The following RASEF variants were observed in gnomAD, a reference collection of about 807,000 sequenced individuals.
The protein encoded by RASEF is ras and EF-hand domain-containing protein.
Under a neutral mutation model 90.1 loss-of-function variants are expected in RASEF, and 68 were observed. The ratio of observed to expected loss-of-function variants is 0.75; its 90% CI spans 0.62 to 0.92. RASEF has a LOEUF of 0.92. Ranked by LOEUF, RASEF falls within the 40% of genes least tolerant of loss-of-function variation. RASEF has a pLI of 0.00. For synonymous variants in RASEF, 331 were observed against 345.2 expected, an observed-to-expected ratio of 0.96 and a Z score of 0.46; for missense variants, 949 against 937.2, an observed-to-expected ratio of 1.01 and a Z score of -0.16.
At chr9:83,005,308 T>C in intron 8 of RASEF, 108 bp downstream of exon 8, 1 of 752,618 alleles carries the variant, frequency 1.3e-6, no homozygotes, top group East Asian at 2.6e-5. Context: ...CTCATTATTA[T>C]AAGGACTTAC....
chr9:83,061,531 G>T (rs1420300682), intron 1 of RASEF, among the ~76,000 whole-genome samples: 1 of 152,108 alleles, frequency 6.6e-6, no homozygotes, highest in African/African-American at 2.4e-5. Flanking sequence ...GTATCGCTGG[G>T]GCATGAAGTG....
At chr9:83,085,675 C>T in the RASEF span, among the ~76,000 whole-genome samples, 1 of 152,040 alleles carries the variant, frequency 6.6e-6, no homozygotes, top group Non-Finnish European at 1.5e-5. Flanking sequence ...CCTATAATCC[C>T]AGCACTTTGG....
intron 1 of RASEF, among the ~76,000 whole-genome samples, chr9:83,053,813 T>C (rs920287874): frequency 2.4e-5 from 3 of 125,468 alleles, no homozygotes; most frequent in Non-Finnish European, 4.8e-5. Flanking sequence ...AAGCTTAGTT[T>C]GGCTGGATAT....
intron 4 of RASEF, among the ~76,000 whole-genome samples, chr9:83,013,734 A>G (rs1829292095): frequency 6.6e-6 from 1 of 152,202 alleles, no homozygotes; most frequent in Admixed American, 6.5e-5. Context: ...CTCAGTCCTC[A>G]TCTCTAAAAG....
chr9:83,109,903 C>G, the RASEF span, among the ~76,000 whole-genome samples: 1 of 152,142 alleles, frequency 6.6e-6, no homozygotes, highest in Non-Finnish European at 1.5e-5. Context: ...CTCTCTAACT[C>G]CAATGAATCA....
At chr9:83,215,295 A>G in the RASEF span, among the ~76,000 whole-genome samples, 1 of 152,158 alleles carries the variant, frequency 6.6e-6, no homozygotes, top group African/African-American at 2.4e-5. Context: ...GCAAGAGCTC[A>G]GGGTATTAAA....
At chr9:83,157,135 A>ATGTCTTG in the RASEF span, among the ~76,000 whole-genome samples, 1 of 152,242 alleles carries the variant, frequency 6.6e-6, no homozygotes, top group African/African-American at 2.4e-5. Context: ...TAATGCCAAA[A>ATGTCTTG]TGGCCCGCAA....
rs1254705047 is a variant in RASEF at position 83,062,739 on chromosome 9, CCGCACCCGCAGCTCCGTG to C, written c.111_128del (p.Cys37_Arg43delinsTrp). The C allele has an allele frequency of 6.4e-7, 1 of 1,568,952 alleles. No homozygotes were observed. Among genetic ancestry groups the C allele is most frequent in the Non-Finnish European group, 8.6e-7 (1 of 1,166,078 alleles). On this transcript the variant is annotated inframe_deletion, in exon 1 of 17. Coordinates refer to ENST00000376447, the MANE Select transcript of RASEF (RefSeq NM_152573.4). ...GGAATACTGCCTCGGCGTCGGCCGG[CCGCACCCGCAGCTCCGTG>C]CACAGTGCCCGGAACTCCTCGCGCT...
At chr9:83,147,600 G>C in the RASEF span, among the ~76,000 whole-genome samples, 1 of 152,046 alleles carries the variant, frequency 6.6e-6, no homozygotes, top group African/African-American at 2.4e-5. Flanking sequence ...TCTAGGGGTG[G>C]GTGCCTGCGA....
intron 3 of RASEF, among the ~76,000 whole-genome samples, chr9:83,021,284 T>C (rs1226717159): frequency 2.0e-5 from 3 of 152,196 alleles, no homozygotes; most frequent in East Asian, 1.9e-4. Context: ...ATTTTCCCAA[T>C]GCCACCTAGA....
chr9:83,091,200 G>A, the RASEF span, among the ~76,000 whole-genome samples: 2 of 152,150 alleles, frequency 1.3e-5, no homozygotes, highest in South Asian at 2.1e-4. Flanking sequence ...CATGCACACA[G>A]CCCTATACCT....
intron 3 of RASEF, among the ~76,000 whole-genome samples, chr9:83,019,916 G>A (rs1829412280): frequency 6.6e-6 from 1 of 152,242 alleles, no homozygotes; most frequent in African/African-American, 2.4e-5. Context: ...TGGCAAAAAG[G>A]GGCAAAGAAA....
At chr9:82,983,098 A>G (rs926317712) in intron 16 of RASEF, among the ~76,000 whole-genome samples, 1 of 138,426 alleles carries the variant, frequency 7.2e-6, no homozygotes, top group Non-Finnish European at 1.5e-5. Flanking sequence ...CTGTTTTCTG[A>G]GTACCAGGCC....
the RASEF span, among the ~76,000 whole-genome samples, chr9:83,173,042 C>A: frequency 1.3e-5 from 2 of 151,904 alleles, no homozygotes; most frequent in African/African-American, 4.8e-5. Flanking sequence ...TGTTTTATTT[C>A]CTTCAGCGTT....
chr9:83,036,879 C>T (rs1269398426), intron 1 of RASEF, among the ~76,000 whole-genome samples: 1 of 151,876 alleles, frequency 6.6e-6, no homozygotes, highest in Non-Finnish European at 1.5e-5. Context: ...ATACCATCTT[C>T]GTTTTTTTGT....
chr9:83,045,298 T>C (rs1181306483), intron 1 of RASEF, among the ~76,000 whole-genome samples: 1 of 152,206 alleles, frequency 6.6e-6, no homozygotes, highest in East Asian at 1.9e-4. Flanking sequence ...TGTAGACCAA[T>C]GTACCAGCTT....
chr9:83,158,067 T>G, the RASEF span, among the ~76,000 whole-genome samples: 1 of 152,316 alleles, frequency 6.6e-6, no homozygotes, highest in African/African-American at 2.4e-5. Context: ...AAAAATTAAT[T>G]TAGTTCATTT....
chr9:83,062,399 C>T, intron 1 of RASEF, 38 bp downstream of exon 1: 1 of 1,600,986 alleles, frequency 6.2e-7, no homozygotes, highest in Non-Finnish European at 8.5e-7. Flanking sequence ...AAGCAGGAAG[C>T]GCCAGAATAA....
At chr9:83,033,855 C>G (rs1829690208) in intron 1 of RASEF, among the ~76,000 whole-genome samples, 1 of 152,088 alleles carries the variant, frequency 6.6e-6, no homozygotes, top group Non-Finnish European at 1.5e-5. Context: ...TGGGTAAGAA[C>G]AAGGATTATG....
Sources: allele counts gnomAD v4.1 joint callset (sites outside exome capture counted in the v4.1 genomes callset), GRCh38; gene constraint gnomAD v4.1.1; transcripts MANE v1.5; gene names NCBI Gene and HGNC (gene_info 2026-07-23, HGNC 2026-07-21).